Variants in FERMT3 observed in about 807,000 individuals in gnomAD.
The protein encoded by FERMT3 is fermitin family homolog 3.
A neutral mutation model predicts 80.8 loss-of-function variants in FERMT3; 33 were observed. The observed-to-expected ratio is 0.41, with a 90% CI of 0.31 to 0.55. The LOEUF (loss-of-function observed/expected upper bound fraction) is 0.55. Among genes scored for constraint, FERMT3 ranks in the 20% least tolerant of loss-of-function variants. FERMT3 has a pLI of 0.31. For synonymous variants in FERMT3, 375 were observed against 372.2 expected (o/e 1.01, Z -0.09); for missense variants, 754 against 908.7 (o/e 0.83, Z 2.19).
Position 64,210,904 on chromosome 11 carries a change from C to A in FERMT3, c.394+60C>A. ...GGTGATGCAAAGAGGCAGGTTCCCC[C>A]GTTTCCAGGCCCAGCTCTGTTGACG... On this transcript the variant is annotated intron_variant, in intron 3 of 14. Transcript: ENST00000345728. The surrounding 1 kb of genome is among the most constrained non-coding windows in gnomAD (Gnocchi z 4.3). 1 of 1,608,864 alleles carries A rather than the reference C, an allele frequency of 6.2e-7. No homozygotes were observed. The highest frequency in any genetic ancestry group is 8.5e-7 in the Non-Finnish European group (1 of 1,178,874).
chr11:64,212,386 G>A (rs778614405), intron 6 of FERMT3, among the ~76,000 whole-genome samples: 1 of 152,202 alleles, frequency 6.6e-6, no homozygotes, highest in Non-Finnish European at 1.5e-5. Flanking sequence ...CTGAACGCTT[G>A]CTCCGCAGAA....
Position 64,211,093 on chromosome 11 carries a change from GAGAAGA to G in FERMT3, c.439_444del (p.Lys147_Lys148del), listed in dbSNP as rs776324976. ...GGAGCTGTCCCTGCTCCGGGCTCCT[GAGAAGA>G]AGGAGAAGAAGAAGAAAGAGAAGGA... On this transcript the variant is annotated inframe_deletion, in exon 4 of 15. Transcript: ENST00000345728. The surrounding 1 kb of genome is among the most constrained non-coding windows in gnomAD (Gnocchi z 4.7). 2 of 1,570,710 alleles carry G rather than the reference GAGAAGA, an allele frequency of 1.3e-6. No individual in the cohort carries two copies. The highest frequency in any genetic ancestry group is 1.7e-6 in the Non-Finnish European group (2 of 1,157,662).
Position 64,210,715 on chromosome 11 carries a change from G to A in FERMT3, c.265G>A (p.Ala89Thr), listed in dbSNP as rs779819677. The change falls in exon 3 of 15, where the codon GCA becomes ACA. Residue 89 changes from alanine (A) to threonine (T), a missense_variant. Ala to Thr is a moderately conservative substitution (Grantham distance 58). Coordinates refer to ENST00000345728, the MANE Select transcript of FERMT3 (RefSeq NM_031471.6). This position sits in a 1 kb window ranked among gnomAD's most constrained non-coding sequence, Gnocchi z 4.3. Reference protein sequence around the residue: ...TLDKYGILADARLFFGPQHRP... With the variant: ...TLDKYGILADTRLFFGPQHRP... ...GGACAAGTACGGGATCCTGGCCGAC[G>A]CACGCCTCTTCTTTGGGCCCCAGCA... The A allele has an allele frequency of 5.0e-6, 8 of 1,614,150 alleles. No homozygotes were observed. Among genetic ancestry groups the A allele is most frequent in the South Asian group, 1.1e-5 (1 of 91,090 alleles).
rs141239488 is a variant in FERMT3, at chr11:64,213,901, A to G, written c.786+2154A>G. Among the ~76,000 whole-genome samples the G allele has an allele frequency of 2.3e-3, 347 of 152,184 alleles. 3 individuals are homozygous for G. Among genetic ancestry groups the G allele is most frequent in the African/African-American group, 8.1e-3 (336 of 41,508 alleles). ...ATTCTAGTGTTTTCTTCTCTATGAC[A>G]TATTTCCACTTCTTTGTTTTGCCAT... On this transcript the variant is annotated intron_variant, in intron 6 of 14. Coordinates refer to ENST00000345728, the MANE Select transcript of FERMT3 (RefSeq NM_031471.6).
chr11:64,222,934 G>A lies in FERMT3; in HGVS notation c.1671-114G>A. 2.1e-6 allele frequency: 3 copies of A among 1,442,372 alleles called. No homozygotes were observed. The South Asian group carries it at 3.6e-5, about 17-fold the overall frequency. 89.3% of individuals were successfully genotyped at this position (1,442,372 alleles called of 1,614,324 possible). A position where few individuals can be genotyped will look rare whatever the true frequency, so the allele number is the denominator to read the frequency against. ...CAAATGGCTTGCTCAGGGTTACACAGCTGGTGAGCTGCAGTCGGGAAGGGC... is the reference window on the plus strand; with the variant it reads ...CAAATGGCTTGCTCAGGGTTACACAACTGGTGAGCTGCAGTCGGGAAGGGC... On this transcript the variant is annotated intron_variant, in intron 13 of 14. Transcript: ENST00000345728.
intron 6 of FERMT3, among the ~76,000 whole-genome samples, chr11:64,212,891 A>G (rs780165944): frequency 2.0e-5 from 3 of 151,504 alleles, no homozygotes; most frequent in African/African-American, 7.3e-5. Context: ...TTATTTATAT[A>G]TTTATTTATT....
At position 64,207,392 on chromosome 11, in the gene FERMT3, G is replaced by A. The variant is rs141640835; in HGVS notation, c.28G>A (p.Asp10Asn). Reference sequence around the variant, plus strand: ...GGCGGGGATGAAGACAGCCTCCGGGGACTACATCGACTCGTCATGGGAGCT... The same window carrying A: ...GGCGGGGATGAAGACAGCCTCCGGGAACTACATCGACTCGTCATGGGAGCT... MAGMKTASG[D>N]YIDSSWELRV... The change falls in exon 2 of 15, where the codon GAC becomes AAC. Residue 10 changes from aspartate to asparagine, a missense_variant. Transcript: ENST00000345728. The A allele has an allele frequency of 1.4e-5, 23 of 1,614,068 alleles. No individual in the cohort carries two copies. The highest frequency in any genetic ancestry group is 1.9e-5 in the Non-Finnish European group (23 of 1,180,040).
chr11:64,220,168 C>T, intron 10 of FERMT3, 52 bp from the exon 11 acceptor site: 6 of 1,586,750 alleles, frequency 3.8e-6, no homozygotes, highest in Non-Finnish European at 5.2e-6. Flanking sequence ...TCCAGGACCT[C>T]AGGCGGCTCT....
intron 2 of FERMT3, among the ~76,000 whole-genome samples, chr11:64,209,822 C>G (rs1797316731): frequency 6.6e-6 from 1 of 152,130 alleles, no homozygotes; most frequent in African/African-American, 2.4e-5. Flanking sequence ...GCTGTGTGCC[C>G]AGAGCAGCTT....
chr11:64,207,522 T>C lies in FERMT3; in HGVS notation c.158T>C (p.Ile53Thr). Residue 53 changes from isoleucine to threonine, a missense_variant and splice_region_variant, in exon 2 of 15, where the codon ATC (isoleucine) becomes ACC (threonine). Coordinates refer to ENST00000345728, the MANE Select transcript of FERMT3 (RefSeq NM_031471.6). ...GTGCTCCTGAAGATTGTGGAGCAGA[T>C]CAGTGAGTGTCCGCTGCCCGCTTGC... is the stretch of plus-strand genomic sequence containing the variant. Reference protein sequence around the residue: ...GGVLLKIVEQINRKQDWSDHA... With the variant: ...GGVLLKIVEQTNRKQDWSDHA... 2 of 1,602,142 alleles carry C rather than the reference T, an allele frequency of 1.2e-6. No homozygotes were observed. The highest frequency in any genetic ancestry group is 1.7e-6 in the Non-Finnish European group (2 of 1,171,582).
In FERMT3 at chr11:64,210,952, C is replaced by T; in HGVS notation, c.395-100C>T. ...ACGCTGTCCTTGCTGTCTGGGTTGC[C>T]ACCCTGCCTGCAGGGCTGTGACCCG... On this transcript the variant is annotated intron_variant, in intron 3 of 14. Transcript: ENST00000345728. This position sits in a 1 kb window ranked among gnomAD's most constrained non-coding sequence, Gnocchi z 4.3. 1 of 1,606,682 alleles carries T rather than the reference C, an allele frequency of 6.2e-7. No homozygotes were observed.
At position 64,223,779 on chromosome 11, in the gene FERMT3, C is replaced by A. The variant is rs1392552156; in HGVS notation, c.*287C>A. 3.2e-6 allele frequency: 3 copies of A among 946,204 alleles called. No individual in the cohort carries two copies. Among genetic ancestry groups the A allele is most frequent in the South Asian group, 1.7e-5 (1 of 60,094 alleles). 58.6% of individuals were successfully genotyped at this position (946,204 alleles called of 1,614,324 possible). The stretch of plus-strand genomic sequence containing the variant: ...GACCTATCTGCAGTCCCCCAGCACA[C>A]AAGGAAGACCAGATGTAGCTACAGG... On this transcript the variant is annotated 3_prime_UTR_variant, in exon 15 of 15. Transcript: ENST00000345728.
intron 10 of FERMT3, 99 bp from the exon 11 acceptor site, chr11:64,220,121 C>T (rs2134883813): frequency 1.9e-6 from 3 of 1,575,950 alleles, no homozygotes; most frequent in Non-Finnish European, 2.6e-6. Flanking sequence ...GGGAAGATGC[C>T]CTCTGTCCTG....
rs369784905 is a variant in FERMT3, at chr11:64,207,385, C to T, written c.21C>T (p.Ala7=). 1.2e-6 allele frequency: 2 copies of T among 1,614,064 alleles called. No individual in the cohort carries two copies. The highest frequency in any genetic ancestry group is 1.3e-5 in the African/African-American group (1 of 74,948). Reference sequence around the variant, plus strand: ...CAGCCATGGCGGGGATGAAGACAGCCTCCGGGGACTACATCGACTCGTCAT... The same window carrying T: ...CAGCCATGGCGGGGATGAAGACAGCTTCCGGGGACTACATCGACTCGTCAT... MAGMKT[A]SGDYIDSSWE... Residue 7 remains alanine, a synonymous_variant, in exon 2 of 15, where the codon GCC becomes GCT. Coordinates refer to ENST00000345728, the MANE Select transcript of FERMT3 (RefSeq NM_031471.6).
intron 2 of FERMT3, among the ~76,000 whole-genome samples, chr11:64,208,639 C>T (rs1298825330): frequency 6.6e-6 from 1 of 152,214 alleles, no homozygotes; most frequent in African/African-American, 2.4e-5. Flanking sequence ...ATCATGGGGG[C>T]CTGGAGCCAG....
chr11:64,214,857 C>T (rs1287898829), intron 6 of FERMT3, among the ~76,000 whole-genome samples: 1 of 149,874 alleles, frequency 6.7e-6, no homozygotes, highest in Non-Finnish European at 1.5e-5. Context: ...GGCTGGAGTG[C>T]AATGGCGTGA....
At position 64,223,077 on chromosome 11, in the gene FERMT3, T is replaced by C; in HGVS notation, c.1700T>C (p.Leu567Pro). 6.2e-7 allele frequency: 1 copy of C among 1,613,786 alleles called. No homozygotes were observed. Among genetic ancestry groups the C allele is most frequent in the South Asian group, 1.1e-5 (1 of 91,086 alleles). ...RFKGSRKDEI[L>P]GIANNRLIRI... Reference sequence around the variant, plus strand: ...AAGGGCAGCAGGAAAGACGAGATCCTGGGCATCGCCAACAACCGACTGATC... The same window carrying C: ...AAGGGCAGCAGGAAAGACGAGATCCCGGGCATCGCCAACAACCGACTGATC... The change falls in exon 14 of 15, where the codon CTG (leucine) becomes CCG (proline). Residue 567 changes from leucine (L) to proline (P), a missense_variant. Transcript: ENST00000345728.
intron 6 of FERMT3, among the ~76,000 whole-genome samples, chr11:64,216,848 G>A (rs1946563516): frequency 1.4e-5 from 2 of 141,162 alleles, no homozygotes; most frequent in Admixed American, 7.1e-5. Context: ...GCTAATTTTT[G>A]TACTCTACAA....
chr11:64,210,953 AC>A lies in FERMT3; in HGVS notation c.395-96del. 6.2e-7 allele frequency: 1 copy of A among 1,603,946 alleles called. No homozygotes were observed. The highest frequency in any genetic ancestry group is 1.3e-5 in the African/African-American group (1 of 74,614). On this transcript the variant is annotated intron_variant, in intron 3 of 14. Coordinates refer to ENST00000345728, the MANE Select transcript of FERMT3 (RefSeq NM_031471.6). The surrounding 1 kb of genome is among the most constrained non-coding windows in gnomAD (Gnocchi z 4.3). ...CGCTGTCCTTGCTGTCTGGGTTGCCACCCTGCCTGCAGGGCTGTGACCCGCC... is the reference window on the plus strand; with the variant it reads ...CGCTGTCCTTGCTGTCTGGGTTGCCACCTGCCTGCAGGGCTGTGACCCGCC...
Sources: gnomAD v4.1 joint callset for allele counts (sites outside exome capture counted in the v4.1 genomes callset) on GRCh38, gnomAD v4.1.1 for gene constraint, Gnocchi (gnomAD v3.1) non-coding constraint, MANE v1.5 for transcripts, NCBI Gene and HGNC (gene_info 2026-07-23, HGNC 2026-07-21) for gene names.